The following PLXDC2 variants were observed in gnomAD, a reference collection of about 807,000 sequenced individuals.
The protein encoded by PLXDC2 is plexin domain-containing protein 2.
In PLXDC2, 40 loss-of-function variants were observed where a neutral mutation model predicts 68.9. The observed-to-expected ratio is 0.58, with a 90% CI of 0.45 to 0.76. The LOEUF is 0.76. Among genes scored for constraint, PLXDC2 ranks in the 30% least tolerant of loss-of-function variants. The probability of loss-of-function intolerance (pLI) is 0.00; values close to 1 mark genes in which losing one functional copy is unlikely to be tolerated. For synonymous variants in PLXDC2, 243 were observed against 234.2 expected (o/e 1.04, Z -0.34); for missense variants, 644 against 661.9 (o/e 0.97, Z 0.30).
At chr10:20,192,249 C>G (rs1204466920) in intron 9 of PLXDC2, among the ~76,000 whole-genome samples, 1 of 151,986 alleles carries the variant, frequency 6.6e-6, no homozygotes, top group Admixed American at 6.6e-5. Flanking sequence ...CACAGACTGG[C>G]TAATCAATCC....
intron 2 of PLXDC2, among the ~76,000 whole-genome samples, chr10:20,020,467 T>A (rs1158828082): frequency 6.6e-6 from 1 of 151,990 alleles, no homozygotes; most frequent in Non-Finnish European, 1.5e-5. Flanking sequence ...GACTATACAG[T>A]TTCTCTTTCT....
chr10:20,052,058 C>G (rs555185258), intron 3 of PLXDC2, among the ~76,000 whole-genome samples: 6 of 151,976 alleles, frequency 3.9e-5, no homozygotes, highest in African/African-American at 1.4e-4. Context: ...CGACCACACA[C>G]ACAGTTAAAA....
At chr10:19,901,968 G>A (rs1416178284) in intron 1 of PLXDC2, among the ~76,000 whole-genome samples, 1 of 152,002 alleles carries the variant, frequency 6.6e-6, no homozygotes, top group Non-Finnish European at 1.5e-5. Context: ...TTGCTTTGTT[G>A]AAGTCAGTTG....
At chr10:20,020,015 CT>C (rs71287311) in intron 2 of PLXDC2, among the ~76,000 whole-genome samples, 15 of 148,722 alleles carry the variant, frequency 1.0e-4, no homozygotes, top group East Asian at 2.0e-4. Flanking sequence ...TCTTTTCTTG[CT>C]TTTTTTTTTA....
At chr10:19,872,594 G>C (rs1216658732) in intron 1 of PLXDC2, among the ~76,000 whole-genome samples, 1 of 152,200 alleles carries the variant, frequency 6.6e-6, no homozygotes, top group Admixed American at 6.5e-5. Flanking sequence ...AAGCATTTCA[G>C]CCACACCTAG....
At chr10:19,841,213 T>A (rs1428409345) in intron 1 of PLXDC2, among the ~76,000 whole-genome samples, 1 of 152,216 alleles carries the variant, frequency 6.6e-6, no homozygotes, top group Non-Finnish European at 1.5e-5. Flanking sequence ...AGATTTGTTT[T>A]TATTCATTTG....
chr10:20,177,231 G>C (rs1834539616), intron 8 of PLXDC2, 97 bp from the exon 9 acceptor site: 3 of 1,327,686 alleles, frequency 2.3e-6, no homozygotes, highest in Non-Finnish European at 3.3e-6. Flanking sequence ...TTGCTCCTGA[G>C]GATTAGGGGG....
chr10:19,969,092 G>C (rs1205768928), intron 1 of PLXDC2, among the ~76,000 whole-genome samples: 1 of 152,110 alleles, frequency 6.6e-6, no homozygotes, highest in Non-Finnish European at 1.5e-5. Context: ...ACAATTGTTT[G>C]ATTCTCTTCT....
chr10:19,879,658 A>AATGC (rs1247424089), intron 1 of PLXDC2, among the ~76,000 whole-genome samples: 2 of 152,220 alleles, frequency 1.3e-5, no homozygotes, highest in Non-Finnish European at 2.9e-5. Context: ...TGAACAAGAA[A>AATGC]ATGCAGTAAA....
rs190072268 is a variant in PLXDC2, at chr10:20,285,159, C to A, written c.*5340C>A. On this transcript the variant is annotated 3_prime_UTR_variant, in exon 14 of 14. Coordinates refer to ENST00000377252, the MANE Select transcript of PLXDC2 (RefSeq NM_032812.9). ...CTTCAAACTATTACAACATTTTTGT[C>A]CTTATAAGGTTTTTTGGGCAGATAA... The A allele has an allele frequency of 1.3e-5, 2 of 152,186 alleles. No homozygotes were observed. Among genetic ancestry groups the A allele is most frequent in the Non-Finnish European group, 2.9e-5 (2 of 68,006 alleles). The allele number at this position is 152,186 out of a possible 1,614,324, so 9.4% of individuals were successfully genotyped here. A position where few individuals can be genotyped will look rare whatever the true frequency, so the allele number is the denominator to read the frequency against.
chr10:19,962,335 C>CTT (rs33953842), intron 1 of PLXDC2, among the ~76,000 whole-genome samples: 1,703 of 58,460 alleles, frequency 0.029, 162 homozygotes, highest in African/African-American at 0.086. Flanking sequence ...AAAGGAGGTT[C>CTT]TTTTTTTTTT....
intron 4 of PLXDC2, among the ~76,000 whole-genome samples, chr10:20,092,029 T>G (rs1445119798): frequency 6.6e-6 from 1 of 151,646 alleles, no homozygotes; most frequent in Non-Finnish European, 1.5e-5. Context: ...AATCCCAACC[T>G]TAGACAAATA....
chr10:20,066,557 TC>T (rs1456822297), intron 3 of PLXDC2, among the ~76,000 whole-genome samples: 2 of 152,248 alleles, frequency 1.3e-5, no homozygotes, highest in African/African-American at 4.8e-5. Flanking sequence ...AACTCTTCCT[TC>T]ATTTTAGGGT....
chr10:19,998,988 A>G (rs541880204), intron 1 of PLXDC2, among the ~76,000 whole-genome samples: 3 of 152,348 alleles, frequency 2.0e-5, no homozygotes, highest in Admixed American at 6.5e-5. Context: ...CAGACTTCTC[A>G]AATTTCAACT....
At chr10:20,277,700 A>T (rs1181832460) in intron 13 of PLXDC2, among the ~76,000 whole-genome samples, 1 of 152,216 alleles carries the variant, frequency 6.6e-6, no homozygotes, top group Non-Finnish European at 1.5e-5. Flanking sequence ...GGATTATAAA[A>T]GAATACAAAA....
chr10:20,031,430 C>T (rs1046540375), intron 2 of PLXDC2, among the ~76,000 whole-genome samples: 6 of 152,048 alleles, frequency 3.9e-5, no homozygotes, highest in Non-Finnish European at 7.4e-5. Flanking sequence ...CAGCACATTA[C>T]AAACCAGTCC....
chr10:19,887,318 C>T (rs1038788705), intron 1 of PLXDC2, among the ~76,000 whole-genome samples: 3 of 151,992 alleles, frequency 2.0e-5, no homozygotes, highest in Non-Finnish European at 2.9e-5. Flanking sequence ...GTTAGGAGTT[C>T]GAGACCATCC....
chr10:20,164,948 T>C (rs1360064176), intron 7 of PLXDC2, among the ~76,000 whole-genome samples: 1 of 152,130 alleles, frequency 6.6e-6, no homozygotes, highest in African/African-American at 2.4e-5. Flanking sequence ...CCTGAGTAGC[T>C]GGGACCACGG....
intron 4 of PLXDC2, among the ~76,000 whole-genome samples, chr10:20,089,481 A>AAGT (rs1833248512): frequency 6.6e-6 from 1 of 152,164 alleles, no homozygotes; most frequent in Non-Finnish European, 1.5e-5. Flanking sequence ...AGAGTTACTA[A>AAGT]GAGAGAAGGC....
Sources: allele counts gnomAD v4.1 joint callset (sites outside exome capture counted in the v4.1 genomes callset), GRCh38; gene constraint gnomAD v4.1.1; transcripts MANE v1.5; gene names NCBI Gene and HGNC (gene_info 2026-07-23, HGNC 2026-07-21).